TXNRD1: variants seen among roughly 807,000 people sequenced by gnomAD.
TXNRD1 encodes thioredoxin reductase 1.
A neutral mutation model predicts 80.3 loss-of-function variants in TXNRD1; 57 were observed. The observed-to-expected ratio is 0.71, with a 90% CI of 0.57 to 0.89. The LOEUF (loss-of-function observed/expected upper bound fraction) is 0.89, where lower values mean the gene tolerates loss of function less well. Among genes scored for constraint, TXNRD1 ranks in the 40% least tolerant of loss-of-function variants. TXNRD1 has a pLI of 0.00. For synonymous variants in TXNRD1, 291 were observed against 285.2 expected, an observed-to-expected ratio of 1.02 and a Z score of -0.20; for missense variants, 730 against 803.0, an observed-to-expected ratio of 0.91 and a Z score of 1.10.
At chr12:104,298,678 C>T (rs547413881) in intron 4 of TXNRD1, among the ~76,000 whole-genome samples, 28 of 152,100 alleles carry the variant, frequency 1.8e-4, no homozygotes, top group Non-Finnish European at 2.9e-4. Context: ...GAGCTGAGAT[C>T]ACACCATTGC....
In TXNRD1 at chr12:104,280,721, G is replaced by A. The variant is rs1035759712; in HGVS notation, c.305-8210G>A. The A allele has an allele frequency of 3.2e-4, 49 of 152,110 alleles. 1 individual carries two copies. The highest frequency in any genetic ancestry group is 1.2e-3 in the African/African-American group (48 of 41,418). 9.4% of individuals were successfully genotyped at this position (152,110 alleles called of 1,614,324 possible). A position where few individuals can be genotyped will look rare whatever the true frequency, so the allele number is the denominator to read the frequency against. On this transcript the variant is annotated intron_variant, in intron 3 of 16. Coordinates refer to ENST00000525566, the MANE Select transcript of TXNRD1 (RefSeq NM_001093771.3). ...TAGTTGAAGACCTTAGAGAAAAGAT[G>A]GAGGTTTCCCAAAGAGGAAGCAATT...
At position 104,314,629 on chromosome 12, in the gene TXNRD1, A is replaced by G. The variant is rs182068612; in HGVS notation, c.611-1148A>G. Reference sequence around the variant, plus strand: ...CACCATATTCTTTAAGCTTAGGGATACTAAACCTATTTTTAGGGAGCAAGG... The same window carrying G: ...CACCATATTCTTTAAGCTTAGGGATGCTAAACCTATTTTTAGGGAGCAAGG... On this transcript the variant is annotated intron_variant, in intron 6 of 16. Transcript: ENST00000525566. Among the ~76,000 whole-genome samples, 59 of 152,228 alleles carry G rather than the reference A, an allele frequency of 3.9e-4. 1 individual carries two copies. In the South Asian group the frequency reaches 5.4e-3, roughly 14 times the overall value.
In TXNRD1 at chr12:104,327,564, A is replaced by G; in HGVS notation, c.1435A>G (p.Ile479Val). 6.2e-7 allele frequency: 1 copy of G among 1,613,740 alleles called. No homozygotes were observed. The highest frequency in any genetic ancestry group is 8.5e-7 in the Non-Finnish European group (1 of 1,179,818). ...TGAAGAACAGACCAATGTGCCTTAC[A>G]TCTATGCCATTGGCGATATATTGGA... ...TDEEQTNVPY[I>V]YAIGDILEDK... is the part of the protein sequence containing the mutation. Residue 479 changes from isoleucine (I) to valine (V), a missense_variant, in exon 13 of 17, where the codon ATC becomes GTC. Transcript: ENST00000525566.
chr12:104,306,105 T>C (rs1313868231), intron 4 of TXNRD1, among the ~76,000 whole-genome samples: 2 of 152,138 alleles, frequency 1.3e-5, no homozygotes, highest in African/African-American at 2.4e-5. Context: ...AGTTTCGCCA[T>C]GGTAGCCAGG....
chr12:104,256,791 AG>A (rs1338449439), intron 2 of TXNRD1, among the ~76,000 whole-genome samples: 7 of 119,844 alleles, frequency 5.8e-5, no homozygotes, highest in Admixed American at 8.0e-5. Flanking sequence ...AAAAAAAAAA[AG>A]AAAAAGAAAA....
intron 16 of TXNRD1, among the ~76,000 whole-genome samples, chr12:104,343,318 G>T (rs1321553047): frequency 6.6e-6 from 1 of 152,166 alleles, no homozygotes; most frequent in African/African-American, 2.4e-5. Flanking sequence ...ACATTGTGCA[G>T]CTGATACTTC....
intron 2 of TXNRD1, among the ~76,000 whole-genome samples, chr12:104,251,946 C>G (rs185605162): frequency 1.3e-5 from 2 of 151,438 alleles, no homozygotes; most frequent in Admixed American, 1.3e-4. Flanking sequence ...TGCCTGTAGT[C>G]GCAGCTACTC....
chr12:104,219,841 A>G (rs1456491386), intron 1 of TXNRD1, among the ~76,000 whole-genome samples: 2 of 152,132 alleles, frequency 1.3e-5, no homozygotes, highest in Non-Finnish European at 2.9e-5. Flanking sequence ...AACATTGACC[A>G]GCTTCTTCTA....
intron 1 of TXNRD1, among the ~76,000 whole-genome samples, chr12:104,237,897 G>C (rs2032773056): frequency 6.6e-6 from 1 of 152,042 alleles, no homozygotes; most frequent in South Asian, 2.1e-4. Context: ...TGTAGTCCCG[G>C]CTACTCGGGA....
At chr12:104,248,531 T>G (rs1257946216) in intron 1 of TXNRD1, among the ~76,000 whole-genome samples, 1 of 152,160 alleles carries the variant, frequency 6.6e-6, no homozygotes, top group East Asian at 1.9e-4. Flanking sequence ...GTGATCCAAC[T>G]GCATCGCCTC....
chr12:104,268,026 T>C (rs2033571989), intron 3 of TXNRD1, among the ~76,000 whole-genome samples: 1 of 151,294 alleles, frequency 6.6e-6, no homozygotes, highest in Non-Finnish European at 1.5e-5. Flanking sequence ...ATTTTTTATA[T>C]TTTTAGTAGA....
intron 1 of TXNRD1, among the ~76,000 whole-genome samples, chr12:104,242,432 C>T (rs2032894605): frequency 6.6e-6 from 1 of 151,734 alleles, no homozygotes; most frequent in Non-Finnish European, 1.5e-5. Flanking sequence ...CCTGTAGTCC[C>T]AGCTACTTGG....
At chr12:104,337,702 A>G (rs1168731138) in intron 15 of TXNRD1, among the ~76,000 whole-genome samples, 1 of 151,986 alleles carries the variant, frequency 6.6e-6, no homozygotes, top group Admixed American at 6.6e-5. Flanking sequence ...ATTAAAAACA[A>G]AACAAAACAA....
At chr12:104,287,718 C>T (rs543768958) in intron 3 of TXNRD1, among the ~76,000 whole-genome samples, 1 of 152,278 alleles carries the variant, frequency 6.6e-6, no homozygotes, top group African/African-American at 2.4e-5. Flanking sequence ...GGCTTCCTCA[C>T]TCTCTCAGGC....
chr12:104,334,391 G>T (rs957136629), intron 15 of TXNRD1, 59 bp downstream of exon 15: 26 of 978,722 alleles, frequency 2.7e-5, no homozygotes, highest in African/African-American at 1.2e-4. Context: ...TTTTGTTGTT[G>T]TTTTTTTTTT....
At chr12:104,254,644 A>ATATAT (rs1555207848) in intron 2 of TXNRD1, among the ~76,000 whole-genome samples, 2 of 93,648 alleles carry the variant, frequency 2.1e-5, no homozygotes, top group Non-Finnish European at 3.8e-5. Flanking sequence ...AAAAAAAAAA[A>ATATAT]ATATATATAT....
chr12:104,320,983 C>T, intron 9 of TXNRD1, 108 bp from the exon 10 acceptor site: 1 of 788,754 alleles, frequency 1.3e-6, no homozygotes, highest in East Asian at 2.5e-5. Flanking sequence ...TGTTTATCAT[C>T]TTGAAAGTAT....
chr12:104,254,087 C>T (rs1283111599), intron 2 of TXNRD1, among the ~76,000 whole-genome samples: 1 of 152,030 alleles, frequency 6.6e-6, no homozygotes, highest in Non-Finnish European at 1.5e-5. Flanking sequence ...GAGTGTGGAT[C>T]TTGGCTCTGT....
chr12:104,309,788 A>G, intron 4 of TXNRD1: 2 of 1,532,918 alleles, frequency 1.3e-6, no homozygotes, highest in Non-Finnish European at 1.7e-6. Context: ...AACCTTGGCC[A>G]TAATGCCAGT....
Sources: allele counts gnomAD v4.1 joint callset (sites outside exome capture counted in the v4.1 genomes callset), GRCh38; gene constraint gnomAD v4.1.1; transcripts MANE v1.5; gene names NCBI Gene and HGNC (gene_info 2026-07-23, HGNC 2026-07-21).